Variants in FOXO1 observed in about 807,000 individuals in gnomAD.
FOXO1 encodes the protein forkhead box protein O1.
Under a neutral mutation model 44.1 loss-of-function variants are expected in FOXO1, and 6 were observed. The observed-to-expected ratio is 0.14, with a 90% confidence interval of 0.07 to 0.27. FOXO1 has a LOEUF of 0.27. Ranked by LOEUF, FOXO1 falls within the 10% of genes least tolerant of loss-of-function variation. FOXO1 has a pLI of 1.00. For synonymous variants in FOXO1, 380 were observed against 362.7 expected (o/e 1.05, Z -0.54); for missense variants, 737 against 888.8 (o/e 0.83, Z 2.17).
At position 40,556,482 on chromosome 13, in the gene FOXO1, T is replaced by C. The variant is rs902672447; in HGVS notation, c.*2567A>G. 27 of 152,634 alleles carry C rather than the reference T, an allele frequency of 1.8e-4. No individual in the cohort carries two copies. Among genetic ancestry groups the C allele is most frequent in the African/African-American group, 6.0e-4 (25 of 41,444 alleles). 9.5% of individuals were successfully genotyped at this position (152,634 alleles called of 1,614,324 possible). A position where few individuals can be genotyped will look rare whatever the true frequency, so the allele number is the denominator to read the frequency against. The stretch of plus-strand genomic sequence containing the variant: ...AGAAAATAAATCAAACAAGGCTGCA[T>C]AGGTGATATCATTTGCACATTTCAC... On this transcript the variant is annotated 3_prime_UTR_variant, in exon 3 of 3. Transcript: ENST00000379561.
intron 1 of FOXO1, among the ~76,000 whole-genome samples, chr13:40,647,275 G>A (rs1877540896): frequency 6.6e-6 from 1 of 152,094 alleles, no homozygotes; most frequent in South Asian, 2.1e-4. Context: ...TCTTTTCTTA[G>A]CTCAGTATAC....
intron 1 of FOXO1, among the ~76,000 whole-genome samples, chr13:40,623,113 T>C (rs1360976789): frequency 6.9e-6 from 1 of 144,124 alleles, no homozygotes; most frequent in Non-Finnish European, 1.5e-5. Flanking sequence ...AGTTATCCAA[T>C]GGGAATGTTT....
Position 40,621,368 on chromosome 13 carries a change from C to T in FOXO1, c.630+44215G>A, listed in dbSNP as rs115474921. ...ATGGGTAAAAGTGATGGGATCTACT[C>T]AAATATTGTATTTTAGTAGAACTGA... On this transcript the variant is annotated intron_variant, in intron 1 of 2. Transcript: ENST00000379561. 4.1e-3 allele frequency: 1,674 copies of T among 404,144 alleles called. 34 individuals are homozygous for T. The highest frequency in any genetic ancestry group is 0.032 in the African/African-American group (1,485 of 46,574). The allele number at this position is 404,144 out of a possible 1,614,324, so 25.0% of individuals were successfully genotyped here.
rs563254812 is a variant in FOXO1 at position 40,626,219 on chromosome 13, T to C, written c.630+39364A>G. Among the ~76,000 whole-genome samples, 9 of 152,356 alleles carry C rather than the reference T, an allele frequency of 5.9e-5. No homozygotes were observed. In the South Asian group the frequency reaches 1.9e-3, roughly 32 times the overall value. ...AATAACAAATCCTAGCCAGCAGACA[T>C]TCTGATAAGAGGATATATTTTTAAC... is the stretch of plus-strand genomic sequence containing the variant. On this transcript the variant is annotated intron_variant, in intron 1 of 2. Coordinates refer to ENST00000379561, the MANE Select transcript of FOXO1 (RefSeq NM_002015.4).
intron 1 of FOXO1, among the ~76,000 whole-genome samples, chr13:40,614,220 G>T (rs767945377): frequency 1.1e-4 from 17 of 152,198 alleles, no homozygotes; most frequent in Non-Finnish European, 2.4e-4. Context: ...ACAGTTTGCT[G>T]TGTGCTTGCT....
chr13:40,592,268 T>C (rs959570746), intron 1 of FOXO1, among the ~76,000 whole-genome samples: 2 of 152,178 alleles, frequency 1.3e-5, no homozygotes, highest in Admixed American at 6.5e-5. Context: ...GACAAACTAA[T>C]TGAGGACCTG....
chr13:40,615,221 T>C (rs1003629017), intron 1 of FOXO1, among the ~76,000 whole-genome samples: 1 of 152,060 alleles, frequency 6.6e-6, no homozygotes, highest in Non-Finnish European at 1.5e-5. Flanking sequence ...TGGGGGTAGG[T>C]GGCAACAAGT....
rs1253349602 is a variant in FOXO1 at position 40,666,069 on chromosome 13, C to G, written c.144G>C (p.Ala48=). ...CCGCCGCGGCGTCGGGGTTGGCAGCCGCGCTGCCCGACGGCGCCGGGCTGG... is the reference window on the plus strand; with the variant it reads ...CCGCCGCGGCGTCGGGGTTGGCAGCGGCGCTGCCCGACGGCGCCGGGCTGG... ...ATSSPAPSGS[A]AANPDAAAGL... The change falls in exon 1 of 3, where the codon GCG becomes GCC. Residue 48 remains alanine (A), a synonymous_variant. Transcript: ENST00000379561. 3 of 1,324,908 alleles carry G rather than the reference C, an allele frequency of 2.3e-6. No individual in the cohort carries two copies. Among genetic ancestry groups the G allele is most frequent in the Non-Finnish European group, 2.9e-6 (3 of 1,040,434 alleles). 82.1% of individuals were successfully genotyped at this position (1,324,908 alleles called of 1,614,324 possible).
chr13:40,567,150 C>G (rs1453433133), intron 1 of FOXO1, among the ~76,000 whole-genome samples: 1 of 151,990 alleles, frequency 6.6e-6, no homozygotes, highest in Non-Finnish European at 1.5e-5. Flanking sequence ...AGCCACGGGT[C>G]TCCACACCAC....
chr13:40,611,183 C>A, intron 1 of FOXO1: 1 of 358,452 alleles, frequency 2.8e-6, no homozygotes, highest in South Asian at 2.1e-5. Flanking sequence ...TTTTGTTCTA[C>A]CCTGTTACAT....
At chr13:40,628,829 C>T (rs1385452941) in intron 1 of FOXO1, among the ~76,000 whole-genome samples, 1 of 152,212 alleles carries the variant, frequency 6.6e-6, no homozygotes, top group African/African-American at 2.4e-5. Flanking sequence ...GTCCCCCAGG[C>T]ACCTGCTCTG....
chr13:40,591,139 G>A (rs1875354690), intron 1 of FOXO1, among the ~76,000 whole-genome samples: 1 of 151,960 alleles, frequency 6.6e-6, no homozygotes, highest in African/African-American at 2.4e-5. Context: ...TTTCTGATCT[G>A]CAAATCAGCT....
chr13:40,576,741 T>C (rs891551575), intron 1 of FOXO1, among the ~76,000 whole-genome samples: 19 of 152,214 alleles, frequency 1.2e-4, no homozygotes, highest in Non-Finnish European at 1.8e-4. Flanking sequence ...TAATCTGATA[T>C]TTTCATAGCC....
At chr13:40,617,272 C>G (rs553899948) in intron 1 of FOXO1, among the ~76,000 whole-genome samples, 1 of 152,236 alleles carries the variant, frequency 6.6e-6, no homozygotes, top group South Asian at 2.1e-4. Flanking sequence ...ATGGAGAAGA[C>G]TCGCCTCTAC....
intron 1 of FOXO1, among the ~76,000 whole-genome samples, chr13:40,591,062 A>C (rs1593391076): frequency 6.6e-6 from 1 of 152,208 alleles, no homozygotes; most frequent in African/African-American, 2.4e-5. Flanking sequence ...TTTATACCAA[A>C]GGCAAGAGGA....
chr13:40,582,410 A>G (rs952621215), intron 1 of FOXO1, among the ~76,000 whole-genome samples: 3 of 152,208 alleles, frequency 2.0e-5, no homozygotes, highest in Non-Finnish European at 2.9e-5. Context: ...AAACAACACA[A>G]TTAAATTTGC....
intron 1 of FOXO1, among the ~76,000 whole-genome samples, chr13:40,605,091 G>C (rs573758639): frequency 6.6e-5 from 10 of 151,620 alleles, no homozygotes; most frequent in African/African-American, 2.4e-4. Flanking sequence ...TCATATATAT[G>C]TATATGTTGA....
At position 40,584,469 on chromosome 13, in the gene FOXO1, C is replaced by CAAAAAAAAAA. The variant is rs55733141; in HGVS notation, c.631-23619_631-23610dup. Among the ~76,000 whole-genome samples the CAAAAAAAAAA allele has an allele frequency of 9.8e-4, 62 of 63,128 alleles. 9 individuals carry two copies. The highest frequency in any genetic ancestry group is 1.4e-3 in the Non-Finnish European group (53 of 37,882). The allele number at this position is 63,128 out of a possible 152,430, so 41.4% of individuals were successfully genotyped here. ...AGAAATTCTATCTCCACAAAAAATGCAAAAAAAAAAAAAAAAAAAAAAAAA... is the reference window on the plus strand; with the variant it reads ...AGAAATTCTATCTCCACAAAAAATGCAAAAAAAAAAAAAAAAAAAAAAAAAAAAAAAAAAA... On this transcript the variant is annotated intron_variant, in intron 1 of 2. Coordinates refer to ENST00000379561, the MANE Select transcript of FOXO1 (RefSeq NM_002015.4).
chr13:40,571,299 T>C (rs771156837), intron 1 of FOXO1, among the ~76,000 whole-genome samples: 14 of 152,098 alleles, frequency 9.2e-5, no homozygotes, highest in South Asian at 2.1e-4. Flanking sequence ...TGCAGCACAC[T>C]AACATGGCAC....
Sources: gnomAD v4.1 joint callset for allele counts (sites outside exome capture counted in the v4.1 genomes callset) on GRCh38, gnomAD v4.1.1 for gene constraint, MANE v1.5 for transcripts, NCBI Gene and HGNC (gene_info 2026-07-23, HGNC 2026-07-21) for gene names.